Variants in MAGI3 observed in about 807,000 individuals in gnomAD.
MAGI3 encodes membrane-associated guanylate kinase, WW and PDZ domain-containing protein 3.
MAGI3 carries 43 observed loss-of-function variants against 121.8 expected under a neutral mutation model. The ratio of observed to expected loss-of-function variants is 0.35; its 90% confidence interval spans 0.28 to 0.46. The LOEUF (loss-of-function observed/expected upper bound fraction) is 0.46, where lower values mean the gene tolerates loss of function less well. MAGI3 is among the 20% of genes least tolerant of loss of function. MAGI3 has a pLI of 1.00. For missense variants in MAGI3, 1,547 were observed against 1,797.3 expected (o/e 0.86, Z 2.52); for synonymous variants, 553 against 639.3 (o/e 0.86, Z 2.04).
chr1:113,643,730 T>C lies in MAGI3; in HGVS notation c.1967-13T>C. 1 of 1,347,474 alleles carries C rather than the reference T, an allele frequency of 7.4e-7. No homozygotes were observed. Among genetic ancestry groups the C allele is most frequent in the Non-Finnish European group, 1.0e-6 (1 of 975,090 alleles). The allele number at this position is 1,347,474 out of a possible 1,614,324, so 83.5% of individuals were successfully genotyped here. The stretch of plus-strand genomic sequence containing the variant: ...TCCTCTGGTTTTAAACTTTGGTTCA[T>C]TTTTTTTTTAAGGTCCTCCTTCACC... On this transcript the variant is annotated splice_polypyrimidine_tract_variant and intron_variant, in intron 10 of 20. Coordinates refer to ENST00000307546, the MANE Select transcript of MAGI3 (RefSeq NM_001142782.2).
At chr1:113,580,689 C>A in intron 3 of MAGI3, 28 bp downstream of exon 3, 1 of 1,553,752 alleles carries the variant, frequency 6.4e-7, no homozygotes. Context: ...ATCACTACCA[C>A]CCAAAAAACT....
At chr1:113,629,732 CT>C (rs1651479146) in intron 9 of MAGI3, among the ~76,000 whole-genome samples, 1 of 50,854 alleles carries the variant, frequency 2.0e-5, no homozygotes, top group Non-Finnish European at 3.9e-5. Flanking sequence ...CAGTCTCCCT[CT>C]CTCTCTCTCT....
intron 3 of MAGI3, among the ~76,000 whole-genome samples, chr1:113,581,691 C>T (rs543876051): frequency 1.8e-4 from 27 of 152,122 alleles, no homozygotes; most frequent in Admixed American, 8.5e-4. Context: ...TGCTAGTCTT[C>T]TTCAAGAGCA....
chr1:113,634,652 G>C (rs1416524421), intron 9 of MAGI3, among the ~76,000 whole-genome samples: 2 of 152,082 alleles, frequency 1.3e-5, no homozygotes, highest in African/African-American at 4.8e-5. Context: ...GTAGTAGGTT[G>C]AAGTCAGGTA....
chr1:113,503,323 A>C (rs1021944666), intron 1 of MAGI3, among the ~76,000 whole-genome samples: 8 of 147,320 alleles, frequency 5.4e-5, no homozygotes, highest in Non-Finnish European at 1.2e-4. Flanking sequence ...AAAAAAAAAA[A>C]AAAAAAAAAA....
intron 16 of MAGI3, among the ~76,000 whole-genome samples, chr1:113,664,823 GT>G (rs1350377296): frequency 2.0e-5 from 3 of 152,060 alleles, no homozygotes; most frequent in African/African-American, 4.8e-5. Flanking sequence ...ATATGCTTGA[GT>G]TTTTTTCTTG....
intron 1 of MAGI3, among the ~76,000 whole-genome samples, chr1:113,428,018 G>T (rs531999950): frequency 1.3e-5 from 2 of 152,106 alleles, no homozygotes; most frequent in African/African-American, 2.4e-5. Flanking sequence ...TTCTGTGTGT[G>T]TGTGTGTCCC....
rs142737801 is a variant in MAGI3, at chr1:113,664,406, A to G, written c.2815+5141A>G. On this transcript the variant is annotated intron_variant, in intron 16 of 20. Coordinates refer to ENST00000307546, the MANE Select transcript of MAGI3 (RefSeq NM_001142782.2). Reference sequence around the variant, plus strand: ...ACACTACAGTATTACAAACAATTCTATAATACACATCTTCACATATCTATG... The same window carrying G: ...ACACTACAGTATTACAAACAATTCTGTAATACACATCTTCACATATCTATG... Among the ~76,000 whole-genome samples the G allele has an allele frequency of 2.7e-4, 41 of 152,330 alleles. No homozygotes were observed. The East Asian group carries it at 7.7e-3, about 29-fold the overall frequency.
intron 7 of MAGI3, among the ~76,000 whole-genome samples, chr1:113,614,916 A>G (rs987300461): frequency 1.3e-5 from 2 of 152,152 alleles, no homozygotes; most frequent in African/African-American, 4.8e-5. Context: ...TATTGTTACT[A>G]CTACAGCCTC....
intron 20 of MAGI3, among the ~76,000 whole-genome samples, chr1:113,681,830 G>A (rs1648234862): frequency 6.6e-6 from 1 of 152,192 alleles, no homozygotes; most frequent in African/African-American, 2.4e-5. Context: ...CCTGGAGACA[G>A]GGAGTTGGAC....
intron 1 of MAGI3, among the ~76,000 whole-genome samples, chr1:113,436,796 A>C (rs1452822859): frequency 1.3e-5 from 2 of 151,556 alleles, no homozygotes; most frequent in African/African-American, 4.8e-5. Flanking sequence ...TTTTTTTCCA[A>C]ATTTTAAAGA....
intron 20 of MAGI3, 104 bp downstream of exon 20, chr1:113,681,440 T>C (rs1217675519): frequency 7.9e-7 from 1 of 1,267,744 alleles, no homozygotes; most frequent in Non-Finnish European, 1.1e-6. Context: ...ACTAGTTAAT[T>C]CAGAGGTGAA....
At chr1:113,661,824 A>G (rs1653799305) in intron 16 of MAGI3, among the ~76,000 whole-genome samples, 1 of 152,176 alleles carries the variant, frequency 6.6e-6, no homozygotes, top group African/African-American at 2.4e-5. Flanking sequence ...CACATTTTAT[A>G]TGTTAAATCA....
rs188967412 is a variant in MAGI3 at position 113,459,603 on chromosome 1, A to T, written c.316+68254A>T. Among the ~76,000 whole-genome samples, 6 of 152,332 alleles carry T rather than the reference A, an allele frequency of 3.9e-5. No homozygotes were observed. The East Asian group carries it at 1.2e-3, about 29-fold the overall frequency. ...AAGATTCATAACCTGAGATTTCACT[A>T]CTACCTGCCTCTTTACATTCACCAT... On this transcript the variant is annotated intron_variant, in intron 1 of 20. Coordinates refer to ENST00000307546, the MANE Select transcript of MAGI3 (RefSeq NM_001142782.2).
chr1:113,471,271 A>C (rs530749010), intron 1 of MAGI3, among the ~76,000 whole-genome samples: 3 of 152,348 alleles, frequency 2.0e-5, no homozygotes, highest in African/African-American at 7.2e-5. Context: ...AATCATATCA[A>C]ATATTTTCAG....
intron 1 of MAGI3, among the ~76,000 whole-genome samples, chr1:113,404,629 T>C (rs1410780163): frequency 6.6e-6 from 1 of 152,162 alleles, no homozygotes. Context: ...GTTGTTGGCA[T>C]TTCCTGAACA....
intron 1 of MAGI3, among the ~76,000 whole-genome samples, chr1:113,430,308 T>C (rs1188621800): frequency 6.6e-6 from 1 of 152,176 alleles, no homozygotes. Flanking sequence ...GGTATTCAAA[T>C]TTTTGGCAAA....
At chr1:113,413,358 C>A (rs150356239) in intron 1 of MAGI3, among the ~76,000 whole-genome samples, 6 of 152,068 alleles carry the variant, frequency 3.9e-5, no homozygotes, top group African/African-American at 1.4e-4. Flanking sequence ...CTTGGCAATG[C>A]GGGCTCTTTT....
At chr1:113,455,957 CT>C (rs1185289310) in intron 1 of MAGI3, among the ~76,000 whole-genome samples, 25 of 146,616 alleles carry the variant, frequency 1.7e-4, no homozygotes, top group Admixed American at 2.1e-4. Flanking sequence ...TTTTCTCTCT[CT>C]TTTTTTTTTG....
Sources: gnomAD v4.1 joint callset for allele counts (sites outside exome capture counted in the v4.1 genomes callset) on GRCh38, gnomAD v4.1.1 for gene constraint, MANE v1.5 for transcripts, NCBI Gene and HGNC (gene_info 2026-07-23, HGNC 2026-07-21) for gene names.